CSNK1A1: variants seen among roughly 807,000 people sequenced by gnomAD.
CSNK1A1 encodes casein kinase 1 alpha 1, also known as casein kinase I isoform alpha.
CSNK1A1 carries 7 observed loss-of-function variants against 46.1 expected under a neutral mutation model. The ratio of observed to expected loss-of-function variants is 0.15; its 90% CI spans 0.09 to 0.29. CSNK1A1 has a LOEUF of 0.29. CSNK1A1 is among the 10% of genes least tolerant of loss of function. The pLI is 1.00. For synonymous variants in CSNK1A1, 137 were observed against 141.5 expected (o/e 0.97, Z 0.23); for missense variants, 96 against 417.1 (o/e 0.23, Z 6.71).
In CSNK1A1 at chr5:149,525,246, A is replaced by G; in HGVS notation, c.231-75T>C. 7 of 1,376,478 alleles carry G rather than the reference A, an allele frequency of 5.1e-6. No homozygotes were observed. The South Asian group carries it at 8.6e-5, about 17-fold the overall frequency. 85.3% of individuals were successfully genotyped at this position (1,376,478 alleles called of 1,614,324 possible). A position where few individuals can be genotyped will look rare whatever the true frequency, so the allele number is the denominator to read the frequency against. On this transcript the variant is annotated intron_variant, in intron 2 of 9. Coordinates refer to ENST00000377843, the MANE Select transcript of CSNK1A1 (RefSeq NM_001892.6). This position sits in a 1 kb window ranked among gnomAD's most constrained non-coding sequence, Gnocchi z 4.2. The stretch of plus-strand genomic sequence containing the variant: ...ATATCATCAACCCTAAGAATAATAT[A>G]GTTTTCTTTCACTGACTAGGTATTA...
intron 4 of CSNK1A1, among the ~76,000 whole-genome samples, chr5:149,516,582 T>C (rs1255022489): frequency 6.6e-6 from 1 of 151,814 alleles, no homozygotes; most frequent in Non-Finnish European, 1.5e-5. Flanking sequence ...ATCTAAACAA[T>C]GTAATACAAC....
chr5:149,540,390 C>T (rs1210994046), intron 2 of CSNK1A1, among the ~76,000 whole-genome samples: 2 of 152,232 alleles, frequency 1.3e-5, no homozygotes, highest in East Asian at 3.9e-4. Context: ...CCCCACTGCT[C>T]ACACCGACAA....
chr5:149,504,382 TA>T (rs1760963562), intron 9 of CSNK1A1: 1 of 977,516 alleles, frequency 1.0e-6, no homozygotes, highest in Non-Finnish European at 1.2e-6. Context: ...AATACAACAC[TA>T]AAAATGTGAA....
At chr5:149,535,828 T>C (rs1416825896) in intron 2 of CSNK1A1, among the ~76,000 whole-genome samples, 2 of 151,064 alleles carry the variant, frequency 1.3e-5, no homozygotes, top group East Asian at 2.0e-4. Flanking sequence ...GTGTTTTGAG[T>C]AGAGACAGGG....
intron 4 of CSNK1A1, among the ~76,000 whole-genome samples, chr5:149,518,862 T>C (rs1487971101): frequency 2.0e-5 from 3 of 151,934 alleles, no homozygotes; most frequent in Admixed American, 6.6e-5. Flanking sequence ...AAAAACCACG[T>C]ACTGCAATGT....
intron 2 of CSNK1A1, among the ~76,000 whole-genome samples, chr5:149,548,079 C>G (rs1351979722): frequency 2.6e-5 from 4 of 152,008 alleles, no homozygotes; most frequent in Non-Finnish European, 5.9e-5. Flanking sequence ...CCACGTTGGC[C>G]AGGCTGGTGT....
chr5:149,502,215 G>A, intron 9 of CSNK1A1: 3 of 940,026 alleles, frequency 3.2e-6, no homozygotes, highest in Non-Finnish European at 3.8e-6. Context: ...ATTAGTAAAT[G>A]CTACCATTTT....
intron 6 of CSNK1A1, 124 bp from the exon 7 acceptor site, chr5:149,510,077 T>TA (rs1761168822): frequency 4.7e-6 from 3 of 640,568 alleles, no homozygotes; most frequent in African/African-American, 1.9e-5. Flanking sequence ...ACCCAGAATT[T>TA]AAAAAATCAA....
intron 2 of CSNK1A1, among the ~76,000 whole-genome samples, chr5:149,537,871 T>C (rs1762109362): frequency 6.6e-6 from 1 of 151,350 alleles, no homozygotes; most frequent in Non-Finnish European, 1.5e-5. Flanking sequence ...TAAACATTTA[T>C]GTCCTCACAT....
intron 2 of CSNK1A1, among the ~76,000 whole-genome samples, chr5:149,538,086 G>A (rs539198799): frequency 6.2e-5 from 9 of 145,002 alleles, no homozygotes; most frequent in Non-Finnish European, 1.2e-4. Context: ...GCAATGGCGC[G>A]ATCCTGGCTC....
chr5:149,504,365 T>A (rs1760963025), intron 9 of CSNK1A1: 1 of 976,272 alleles, frequency 1.0e-6, no homozygotes, highest in African/African-American at 1.8e-5. Context: ...AATTATAAAA[T>A]AGTTTAAATA....
At chr5:149,520,161 A>G (rs1014093614) in intron 4 of CSNK1A1, 129 bp downstream of exon 4, 2 of 586,182 alleles carry the variant, frequency 3.4e-6, no homozygotes, top group African/African-American at 1.9e-5. Context: ...TCATAGCACA[A>G]TCTTTTAAAG....
chr5:149,502,171 T>C lies in CSNK1A1; in HGVS notation c.1006+3276A>G, dbSNP rs991385011. 11 of 955,854 alleles carry C rather than the reference T, an allele frequency of 1.2e-5. No homozygotes were observed. The Admixed American group carries it at 6.2e-4, about 54-fold the overall frequency. The allele number at this position is 955,854 out of a possible 1,614,324, so 59.2% of individuals were successfully genotyped here. A position where few individuals can be genotyped will look rare whatever the true frequency, so the allele number is the denominator to read the frequency against. On this transcript the variant is annotated intron_variant, in intron 9 of 9. Coordinates refer to ENST00000377843, the MANE Select transcript of CSNK1A1 (RefSeq NM_001892.6). ...CAACACCATTTTTACTGAAGAAATA[T>C]CAGATATATTTTTCAAAAATTACCA...
In CSNK1A1 at chr5:149,542,618, A is replaced by G. The variant is rs182248068; in HGVS notation, c.230+7457T>C. On this transcript the variant is annotated intron_variant, in intron 2 of 9. Coordinates refer to ENST00000377843, the MANE Select transcript of CSNK1A1 (RefSeq NM_001892.6). The stretch of plus-strand genomic sequence containing the variant: ...TATATATATATATATATATATATAT[A>G]TATATATATATATATATATATGTAT... Among the ~76,000 whole-genome samples the G allele has an allele frequency of 2.4e-3, 30 of 12,538 alleles. 1 individual carries two copies. Among genetic ancestry groups the G allele is most frequent in the East Asian group, 0.013 (2 of 158 alleles). The allele number at this position is 12,538 out of a possible 152,430, so 8.2% of individuals were successfully genotyped here.
At chr5:149,548,776 G>A (rs758525768) in intron 2 of CSNK1A1, among the ~76,000 whole-genome samples, 2 of 152,286 alleles carry the variant, frequency 1.3e-5, no homozygotes, top group South Asian at 4.1e-4. Flanking sequence ...TTGAACCCGG[G>A]AGGCAGAGGT....
intron 2 of CSNK1A1, among the ~76,000 whole-genome samples, chr5:149,538,026 T>G (rs1022507177): frequency 2.2e-4 from 31 of 140,544 alleles, no homozygotes; most frequent in African/African-American, 7.4e-4. Context: ...TTTTTTTTTT[T>G]TTTTTTTTTT....
intron 2 of CSNK1A1, among the ~76,000 whole-genome samples, chr5:149,528,444 G>A (rs1761787555): frequency 6.6e-6 from 1 of 152,124 alleles, no homozygotes; most frequent in African/African-American, 2.4e-5. Context: ...ATTCTCTAAA[G>A]CTAGAACGTC....
At chr5:149,505,811 G>A (rs900098767) in intron 8 of CSNK1A1, among the ~76,000 whole-genome samples, 8 of 152,190 alleles carry the variant, frequency 5.3e-5, no homozygotes, top group African/African-American at 1.9e-4. Context: ...ATACTCATAA[G>A]AGGAGGTACT....
At position 149,520,403 on chromosome 5, in the gene CSNK1A1, A is replaced by C. The variant is rs771268132; in HGVS notation, c.358-15T>G. 6.9e-7 allele frequency: 1 copy of C among 1,442,424 alleles called. No individual in the cohort carries two copies. Among genetic ancestry groups the C allele is most frequent in the Non-Finnish European group, 9.7e-7 (1 of 1,029,188 alleles). 89.4% of individuals were successfully genotyped at this position (1,442,424 alleles called of 1,614,324 possible). On this transcript the variant is annotated splice_polypyrimidine_tract_variant and intron_variant, in intron 3 of 9. Transcript: ENST00000377843. ...CTACTGATCATCTGGAAAAAAAAGAAGGGAGAGATAATTGAGTTAAGTAGT... is the reference window on the plus strand; with the variant it reads ...CTACTGATCATCTGGAAAAAAAAGACGGGAGAGATAATTGAGTTAAGTAGT...
Sources: allele counts gnomAD v4.1 joint callset (sites outside exome capture counted in the v4.1 genomes callset), GRCh38; gene constraint gnomAD v4.1.1; non-coding constraint Gnocchi (gnomAD v3.1); transcripts MANE v1.5; gene names NCBI Gene and HGNC (gene_info 2026-07-23, HGNC 2026-07-21).